The following RBBP8 variants were observed in gnomAD, a reference collection of about 807,000 sequenced individuals.
RBBP8 encodes RB binding protein 8, endonuclease, also known as DNA endonuclease RBBP8.
A neutral mutation model predicts 108.3 loss-of-function variants in RBBP8; 88 were observed. The ratio of observed to expected loss-of-function variants is 0.81; its 90% confidence interval spans 0.68 to 0.97. RBBP8 has a LOEUF of 0.97. Ranked by LOEUF, RBBP8 falls within the 50% of genes least tolerant of loss-of-function variation. RBBP8 has a pLI of 0.00. For synonymous variants in RBBP8, 332 were observed against 348.2 expected, an observed-to-expected ratio of 0.95 and a Z score of 0.52; for missense variants, 1,023 against 1,049.0, an observed-to-expected ratio of 0.98 and a Z score of 0.34.
Position 23,022,223 on chromosome 18 carries a change from AT to A in RBBP8, c.2554del (p.Trp852GlyfsTer49). On this transcript the variant is annotated frameshift_variant, in exon 18 of 19. Transcript: ENST00000327155. LOFTEE classifies it high-confidence loss of function. The stretch of plus-strand genomic sequence containing the variant: ...TACATTCCACCCAACACACCAGAGA[AT>A]TTTTGGGAAGTTGGTTTTCCTTCCA... ...FRYIPPNTPE[N>X]FWEVGFPSTQ... is the part of the protein sequence containing the mutation. 1.2e-6 allele frequency: 2 copies of A among 1,612,650 alleles called. No individual in the cohort carries two copies. The highest frequency in any genetic ancestry group is 8.5e-7 in the Non-Finnish European group (1 of 1,178,636).
At chr18:22,979,653 G>A (rs12953716) in intron 6 of RBBP8, among the ~76,000 whole-genome samples, 6,007 of 152,314 alleles carry the variant, frequency 0.039, 183 homozygotes, top group Non-Finnish European at 0.056. Context: ...GGCAAATAAG[G>A]TCAGTAATGG....
At chr18:22,995,708 A>G (rs2045844257) in intron 12 of RBBP8, among the ~76,000 whole-genome samples, 2 of 152,200 alleles carry the variant, frequency 1.3e-5, no homozygotes, top group African/African-American at 4.8e-5. Context: ...GTTTTCAGTT[A>G]TCTGTGTTAC....
At chr18:22,977,801 G>T (rs1482708192) in intron 6 of RBBP8, 10 of 152,056 alleles carry the variant, frequency 6.6e-5, no homozygotes, top group Admixed American at 6.5e-4. Flanking sequence ...ACCATCTTAA[G>T]CAAGTCTCTT....
In RBBP8 at chr18:22,993,271, A is replaced by G; in HGVS notation, c.1444A>G (p.Asn482Asp). 2.5e-6 allele frequency: 4 copies of G among 1,614,232 alleles called. No homozygotes were observed. The highest frequency in any genetic ancestry group is 3.4e-6 in the Non-Finnish European group (4 of 1,180,032). The stretch of plus-strand genomic sequence containing the variant: ...TCCAATGGATAATCAGTTTTCCATG[A>G]ATGGAGACTGTGTGATGGATAAACC... ...PFPMDNQFSMNGDCVMDKPLD... is the reference protein window; with the variant it reads ...PFPMDNQFSMDGDCVMDKPLD... Residue 482 changes from asparagine (N) to aspartate (D), a missense_variant, in exon 11 of 19, where the codon AAT becomes GAT. Physicochemically the swap from Asn to Asp is conservative, Grantham distance 23 (BLOSUM62 1). Coordinates refer to ENST00000327155, the MANE Select transcript of RBBP8 (RefSeq NM_002894.3).
intron 9 of RBBP8, among the ~76,000 whole-genome samples, chr18:22,989,570 A>G (rs1310983410): frequency 1.3e-5 from 2 of 152,132 alleles, no homozygotes; most frequent in Non-Finnish European, 2.9e-5. Flanking sequence ...GATTTTGTCA[A>G]CTTTCTTCCC....
chr18:22,941,369 A>G (rs553683159), intron 2 of RBBP8, among the ~76,000 whole-genome samples: 2 of 152,058 alleles, frequency 1.3e-5, no homozygotes, highest in South Asian at 4.2e-4. Flanking sequence ...ATGAGGTTTC[A>G]CCATGTTGGC....
chr18:22,946,314 G>T, intron 2 of RBBP8, 130 bp from the exon 3 acceptor site: 1 of 1,226,672 alleles, frequency 8.2e-7, no homozygotes, highest in Non-Finnish European at 1.1e-6. Context: ...GTACACGTAA[G>T]GGGCATATAC....
chr18:22,949,862 G>A (rs375263951), intron 4 of RBBP8, 149 bp downstream of exon 4: 5 of 616,106 alleles, frequency 8.1e-6, no homozygotes, highest in Admixed American at 5.8e-5. Flanking sequence ...TGAAAACAAG[G>A]ATCTATTCTT....
chr18:22,984,679 TCTTAA>T (rs927824734), intron 7 of RBBP8, among the ~76,000 whole-genome samples: 13 of 152,234 alleles, frequency 8.5e-5, no homozygotes, highest in African/African-American at 3.1e-4. Flanking sequence ...TCTCCCAATG[TCTTAA>T]CTTAAACAGC....
intron 18 of RBBP8, among the ~76,000 whole-genome samples, chr18:23,022,668 T>TAAAATAAAATAAATATAAAATAAAAA (rs1353697130): frequency 7.4e-6 from 1 of 136,028 alleles, no homozygotes; most frequent in Non-Finnish European, 1.6e-5. Flanking sequence ...TAAAATAAAA[T>TAAAATAAAATAAATATAAAATAAAAA]AAATAACTGT....
At chr18:22,990,699 C>T (rs1358015590) in intron 9 of RBBP8, among the ~76,000 whole-genome samples, 2 of 152,198 alleles carry the variant, frequency 1.3e-5, no homozygotes, top group African/African-American at 2.4e-5. Context: ...TTCTCCTCCC[C>T]TCATTCTTCC....
intron 3 of RBBP8, among the ~76,000 whole-genome samples, chr18:22,947,944 A>G (rs1911707285): frequency 1.3e-5 from 2 of 152,104 alleles, no homozygotes; most frequent in African/African-American, 4.8e-5. Flanking sequence ...GCGTTATTCT[A>G]AATAGAACAG....
Position 22,996,411 on chromosome 18 carries a change from G to A in RBBP8, c.1977G>A (p.Pro659=), listed in dbSNP as rs371689528. 6.1e-5 allele frequency: 99 copies of A among 1,613,366 alleles called. No individual in the cohort carries two copies. The highest frequency in any genetic ancestry group is 7.6e-5 in the Non-Finnish European group (90 of 1,179,844). The change falls in exon 13 of 19, where the codon CCG becomes CCA. Residue 659 remains proline (P), a synonymous_variant. Coordinates refer to ENST00000327155, the MANE Select transcript of RBBP8 (RefSeq NM_002894.3). ...SFENIQWSID[P]GADLSQYKMD... is the part of the protein sequence containing the mutation. ...AAAATATCCAGTGGAGTATAGATCCGGGAGCAGACCTTTCTCAGTATAAAA... is the reference window on the plus strand; with the variant it reads ...AAAATATCCAGTGGAGTATAGATCCAGGAGCAGACCTTTCTCAGTATAAAA...
At chr18:22,953,056 T>G (rs956564899) in intron 4 of RBBP8, among the ~76,000 whole-genome samples, 1 of 152,172 alleles carries the variant, frequency 6.6e-6, no homozygotes, top group Non-Finnish European at 1.5e-5. Flanking sequence ...TGAAGAGATT[T>G]ATTGGGAAAA....
At chr18:22,924,297 T>G (rs1484048470) in intron 3 of RBBP8, among the ~76,000 whole-genome samples, 6 of 151,828 alleles carry the variant, frequency 4.0e-5, no homozygotes, top group African/African-American at 1.4e-4. Flanking sequence ...CCTGGCTAAT[T>G]TTTGTGTTTT....
At chr18:22,936,443 A>G (rs953292352) in intron 1 of RBBP8, among the ~76,000 whole-genome samples, 3 of 152,190 alleles carry the variant, frequency 2.0e-5, no homozygotes, top group East Asian at 1.9e-4. Context: ...AATACTGACC[A>G]TGAATGATAA....
At chr18:23,019,198 T>C (rs1486460218) in intron 17 of RBBP8, among the ~76,000 whole-genome samples, 1 of 152,242 alleles carries the variant, frequency 6.6e-6, no homozygotes, top group Admixed American at 6.5e-5. Flanking sequence ...TTTTTAGTTA[T>C]AACCATAATT....
chr18:22,999,923 A>G (rs2045918921), intron 14 of RBBP8, among the ~76,000 whole-genome samples: 1 of 152,218 alleles, frequency 6.6e-6, no homozygotes, highest in African/African-American at 2.4e-5. Flanking sequence ...TGTTCCGAGG[A>G]TGCCTAGCAC....
Position 22,914,646 on chromosome 18 carries a change from T to C in RBBP8, c.-306+340T>C, listed in dbSNP as rs550481050. On this transcript the variant is annotated intron_variant, in intron 1 of 4. Coordinates refer to the RBBP8 transcript ENST00000577588. ...TTCATAATGTAACTATTATGTTTTA[T>C]AGGCTGTTGCTATATGGTAACAATT... 4.6e-5 allele frequency among the ~76,000 whole-genome samples: 7 copies of C among 152,322 alleles called. 1 individual carries two copies. In the South Asian group the frequency reaches 1.4e-3, roughly 32 times the overall value.
Sources: gnomAD v4.1 joint callset for allele counts (sites outside exome capture counted in the v4.1 genomes callset) on GRCh38, gnomAD v4.1.1 for gene constraint, MANE v1.5 for transcripts, NCBI Gene and HGNC (gene_info 2026-07-23, HGNC 2026-07-21) for gene names.